Variants in SDK2 observed in about 807,000 individuals in gnomAD.
SDK2 encodes protein sidekick-2.
Under a neutral mutation model 253.9 loss-of-function variants are expected in SDK2, and 105 were observed. The observed-to-expected ratio is 0.41, with a 90% CI of 0.35 to 0.49. The LOEUF (loss-of-function observed/expected upper bound fraction) is 0.49. Among genes scored for constraint, SDK2 ranks in the 20% least tolerant of loss-of-function variants. The pLI is 0.06. For synonymous variants in SDK2, 1,249 were observed against 1,234.9 expected (o/e 1.01, Z -0.24); for missense variants, 2,608 against 3,003.0 (o/e 0.87, Z 3.07).
In SDK2 at chr17:73,401,056, C is replaced by T. The variant is rs761835533; in HGVS notation, c.2935G>A (p.Val979Met). ...CCAGAGGAGATGGTGGAGGCGGACA[C>T]TTGGCCCTGGCCCTTTGAGGTCATG... ...AAMTSKGQGQ[V>M]SASTISSGVP... The change falls in exon 21 of 45, where the codon GTG (valine) becomes ATG (methionine). Residue 979 changes from valine to methionine, a missense_variant. By Grantham distance (21) the Val-to-Met change is conservative (BLOSUM62 1). This residue lies in a region of SDK2 where 1,505 missense variants were observed against 1,859.1 expected (regional missense o/e 0.81). Transcript: ENST00000392650. 31 of 1,578,198 alleles carry T rather than the reference C, an allele frequency of 2.0e-5. No homozygotes were observed. The highest frequency in any genetic ancestry group is 2.7e-5 in the Non-Finnish European group (31 of 1,161,982).
At chr17:73,348,345 G>A (rs1435871045) in intron 44 of SDK2, among the ~76,000 whole-genome samples, 5 of 152,350 alleles carry the variant, frequency 3.3e-5, no homozygotes, top group East Asian at 3.9e-4. Flanking sequence ...ACCCCTGAAC[G>A]TAGAGAGGGC....
In SDK2 at chr17:73,481,956, C is replaced by A. The variant is rs1303665567; in HGVS notation, c.225-9738G>T. On this transcript the variant is annotated intron_variant, in intron 2 of 44. Coordinates refer to ENST00000392650, the MANE Select transcript of SDK2 (RefSeq NM_001144952.2). This position sits in a 1 kb window ranked among gnomAD's most constrained non-coding sequence, Gnocchi z 4.5. ...CCATTGCTTCTGCTTCTCTGCACAA[C>A]CCCGACTAATACACCGACCGTAGAA... 1.3e-5 allele frequency among the ~76,000 whole-genome samples: 2 copies of A among 152,178 alleles called. No individual in the cohort carries two copies. The highest frequency in any genetic ancestry group is 2.9e-5 in the Non-Finnish European group (2 of 68,034).
chr17:73,376,823 T>C (rs1313150758), intron 36 of SDK2, among the ~76,000 whole-genome samples: 1 of 152,178 alleles, frequency 6.6e-6, no homozygotes, highest in Non-Finnish European at 1.5e-5. Flanking sequence ...TTGAGGGGTG[T>C]CATCCATCTT....
At chr17:73,471,462 G>A (rs1057204478) in intron 3 of SDK2, among the ~76,000 whole-genome samples, 6 of 152,184 alleles carry the variant, frequency 3.9e-5, no homozygotes, top group Non-Finnish European at 8.8e-5. Context: ...AGCTGGGTGT[G>A]GTGGCACATG....
Position 73,338,505 on chromosome 17 carries a change from TTTG to T in SDK2, c.*79_*81del. On this transcript the variant is annotated 3_prime_UTR_variant, in exon 45 of 45. Coordinates refer to ENST00000392650, the MANE Select transcript of SDK2 (RefSeq NM_001144952.2). The surrounding 1 kb of genome is among the most constrained non-coding windows in gnomAD (Gnocchi z 5.0). ...AAAGTTGACTTGGTTTCTTGGTGTTTTTGTTTTCTGGCAGGCAGTGAGAGGAGG... is the reference window on the plus strand; with the variant it reads ...AAAGTTGACTTGGTTTCTTGGTGTTTTTTTCTGGCAGGCAGTGAGAGGAGG... 4 of 869,890 alleles carry T rather than the reference TTTG, an allele frequency of 4.6e-6. No individual in the cohort carries two copies. The highest frequency in any genetic ancestry group is 7.2e-6 in the Non-Finnish European group (4 of 557,042). The allele number at this position is 869,890 out of a possible 1,614,324, so 53.9% of individuals were successfully genotyped here.
Position 73,570,845 on chromosome 17 carries a change from A to G in SDK2, c.65-63248T>C, listed in dbSNP as rs1257563341. ...GAGTTTAGCCCGAAATGCTCCTCCCAGGCCTGCAGGGACATGGCTGACCTC... is the reference window on the plus strand; with the variant it reads ...GAGTTTAGCCCGAAATGCTCCTCCCGGGCCTGCAGGGACATGGCTGACCTC... On this transcript the variant is annotated intron_variant, in intron 1 of 44. Transcript: ENST00000392650. The surrounding 1 kb of genome is among the most constrained non-coding windows in gnomAD (Gnocchi z 4.2). Among the ~76,000 whole-genome samples, 2 of 152,108 alleles carry G rather than the reference A, an allele frequency of 1.3e-5. No individual in the cohort carries two copies. The highest frequency in any genetic ancestry group is 3.9e-4 in the East Asian group (2 of 5,172).
chr17:73,431,362 C>A lies in SDK2; in HGVS notation c.1480+140G>T, dbSNP rs1456612677. The stretch of plus-strand genomic sequence containing the variant: ...GTCACTGTCCCTCTGATGAGAAGGG[C>A]CCTGACTGGGACAGACACTGGGGAT... On this transcript the variant is annotated intron_variant, in intron 11 of 44. Coordinates refer to ENST00000392650, the MANE Select transcript of SDK2 (RefSeq NM_001144952.2). The surrounding 1 kb of genome is among the most constrained non-coding windows in gnomAD (Gnocchi z 5.6). 1.7e-5 allele frequency: 13 copies of A among 786,640 alleles called. No individual in the cohort carries two copies. Among genetic ancestry groups the A allele is most frequent in the Middle Eastern group, 2.6e-4 (1 of 3,908 alleles). 48.7% of individuals were successfully genotyped at this position (786,640 alleles called of 1,614,324 possible).
chr17:73,498,846 TC>T (rs1355389786), intron 2 of SDK2, among the ~76,000 whole-genome samples: 1 of 152,166 alleles, frequency 6.6e-6, no homozygotes, highest in Non-Finnish European at 1.5e-5. Context: ...AAGGACAAGC[TC>T]AGCCAGGCAG....
chr17:73,536,568 AG>A (rs1483856348), intron 1 of SDK2, among the ~76,000 whole-genome samples: 5 of 152,180 alleles, frequency 3.3e-5, no homozygotes, highest in African/African-American at 7.2e-5. Context: ...AGAGCTGACC[AG>A]GGGGGCCACA....
rs373852406 is a variant in SDK2, at chr17:73,395,321, G to A, written c.3426C>T (p.Asp1142=). ...CGTGGCTCAGCGTCTTGCCATGCCCGTCTGACCGGCTGTACTTGATCTTAT... is the reference window on the plus strand; with the variant it reads ...CGTGGCTCAGCGTCTTGCCATGCCCATCTGACCGGCTGTACTTGATCTTAT... ...VGYKIKYSRS[D]GHGKTLSHVV... The change falls in exon 25 of 45, where the codon GAC becomes GAT. Residue 1142 remains aspartate (D), a synonymous_variant. Transcript: ENST00000392650. This position sits in a 1 kb window ranked among gnomAD's most constrained non-coding sequence, Gnocchi z 4.3. 50 of 1,613,878 alleles carry A rather than the reference G, an allele frequency of 3.1e-5. No homozygotes were observed. Among genetic ancestry groups the A allele is most frequent in the Non-Finnish European group, 3.7e-5 (44 of 1,179,902 alleles).
chr17:73,405,850 G>T (rs1281888230), intron 18 of SDK2, among the ~76,000 whole-genome samples: 1 of 151,304 alleles, frequency 6.6e-6, no homozygotes, highest in Non-Finnish European at 1.5e-5. Context: ...CTCCCGAGTT[G>T]CTGGGACTAC....
At chr17:73,479,722 G>A (rs964242940) in intron 2 of SDK2, among the ~76,000 whole-genome samples, 37 of 151,786 alleles carry the variant, frequency 2.4e-4, no homozygotes, top group African/African-American at 3.6e-4. Context: ...ACAGAGTCTC[G>A]CTCTGTCACC....
intron 1 of SDK2, among the ~76,000 whole-genome samples, chr17:73,537,907 C>A (rs1220274675): frequency 6.6e-6 from 1 of 152,112 alleles, no homozygotes; most frequent in African/African-American, 2.4e-5. Context: ...CATTCACAAA[C>A]CCCCCAAAGG....
chr17:73,505,742 TCAG>T (rs2063930299), intron 2 of SDK2, among the ~76,000 whole-genome samples: 2 of 151,796 alleles, frequency 1.3e-5, no homozygotes, highest in African/African-American at 4.8e-5. Flanking sequence ...CTGGACCTCA[TCAG>T]CATCAATAGC....
chr17:73,542,270 G>A (rs2044880888), intron 1 of SDK2, among the ~76,000 whole-genome samples: 1 of 152,222 alleles, frequency 6.6e-6, no homozygotes, highest in Admixed American at 6.5e-5. Flanking sequence ...GAACAAAACT[G>A]AGGTTGTGAC....
intron 2 of SDK2, among the ~76,000 whole-genome samples, chr17:73,488,462 G>A (rs766422256): frequency 6.6e-6 from 1 of 152,226 alleles, no homozygotes; most frequent in South Asian, 2.1e-4. Context: ...AGTTTTGTCT[G>A]CAAGAAGCAG....
In SDK2 at chr17:73,419,287, G is replaced by C; in HGVS notation, c.2065C>G (p.Pro689Ala). Residue 689 changes from proline (P) to alanine (A), a missense_variant, in exon 16 of 45, where the codon CCC (proline) becomes GCC (alanine). Physicochemically the swap from Pro to Ala is conservative, Grantham distance 27 (BLOSUM62 -1). Transcript: ENST00000392650. Reference sequence around the variant, plus strand: ...ACGTTCTGTGGAGGGGCCGTGGGGGGCTCCTCGGGGAGGGAGACCCTGGAT... The same window carrying C: ...ACGTTCTGTGGAGGGGCCGTGGGGGCCTCCTCGGGGAGGGAGACCCTGGAT... ...DTERVSLPEE[P>A]PTAPPQNVIA... is the part of the protein sequence containing the mutation. 6.2e-7 allele frequency: 1 copy of C among 1,612,540 alleles called. No individual in the cohort carries two copies. The highest frequency in any genetic ancestry group is 1.1e-5 in the South Asian group (1 of 90,684).
chr17:73,469,981 T>TGCGTGC (rs1555585112), intron 3 of SDK2, among the ~76,000 whole-genome samples: 1 of 129,622 alleles, frequency 7.7e-6, no homozygotes, highest in Non-Finnish European at 1.6e-5. Flanking sequence ...CATTTGCGAC[T>TGCGTGC]GCGCGCGCGC....
chr17:73,476,381 G>A (rs2063686089), intron 2 of SDK2, among the ~76,000 whole-genome samples: 1 of 152,200 alleles, frequency 6.6e-6, no homozygotes, highest in Non-Finnish European at 1.5e-5. Flanking sequence ...TACCCGGGAT[G>A]GGGAGGGAAG....
Sources: gnomAD v4.1 joint callset for allele counts (sites outside exome capture counted in the v4.1 genomes callset) on GRCh38, gnomAD v4.1.1 for gene constraint, gnomAD v4.1.1 regional missense constraint, Gnocchi (gnomAD v3.1) non-coding constraint, MANE v1.5 for transcripts, NCBI Gene and HGNC (gene_info 2026-07-23, HGNC 2026-07-21) for gene names.